The following ZNF69 variants were observed in gnomAD, a reference collection of about 807,000 sequenced individuals.
The protein encoded by ZNF69 is ZNF3.
In ZNF69, 47 loss-of-function variants were observed where a neutral mutation model predicts 50.9. The ratio of observed to expected loss-of-function variants is 0.92; its 90% CI spans 0.73 to 1.18. The LOEUF (loss-of-function observed/expected upper bound fraction) is 1.18. Among genes scored for constraint, ZNF69 ranks in the 50% most tolerant of loss-of-function variants. The pLI is 0.00. For synonymous variants in ZNF69, 216 were observed against 223.1 expected (o/e 0.97, Z 0.29); for missense variants, 717 against 675.1 (o/e 1.06, Z -0.69).
the ZNF69 span, among the ~76,000 whole-genome samples, chr19:11,970,401 G>A: frequency 6.6e-6 from 1 of 152,224 alleles, no homozygotes; most frequent in Non-Finnish European, 1.5e-5. Flanking sequence ...CAGAGTTTGA[G>A]TAAAGTTTTC....
intron 1 of ZNF69, among the ~76,000 whole-genome samples, chr19:11,896,364 C>G (rs1283260644): frequency 6.6e-6 from 1 of 151,698 alleles, no homozygotes; most frequent in Non-Finnish European, 1.5e-5. Context: ...GGTATATTGC[C>G]TGTCTATCTT....
chr19:11,955,841 G>T, the ZNF69 span, among the ~76,000 whole-genome samples: 2 of 152,118 alleles, frequency 1.3e-5, no homozygotes, highest in Non-Finnish European at 2.9e-5. Flanking sequence ...GCTGGCAACT[G>T]TTGTGATATG....
At chr19:11,954,866 A>AT in the ZNF69 span, among the ~76,000 whole-genome samples, 13 of 151,956 alleles carry the variant, frequency 8.6e-5, no homozygotes, top group East Asian at 1.2e-3. Flanking sequence ...GCAGCTTCAG[A>AT]TTTTTTTTAA....
the ZNF69 span, chr19:11,949,345 A>G: frequency 1.2e-6 from 2 of 1,613,896 alleles, no homozygotes; most frequent in African/African-American, 1.3e-5. Context: ...TGGGACTCAC[A>G]CTGGAGAGAA....
chr19:11,892,196 T>C (rs914243880), intron 1 of ZNF69, among the ~76,000 whole-genome samples: 2 of 148,742 alleles, frequency 1.3e-5, no homozygotes, highest in Admixed American at 1.4e-4. Flanking sequence ...CCTAGGCTGG[T>C]CTCTAGCTCC....
the ZNF69 span, chr19:11,978,665 A>AAG: frequency 1.2e-6 from 2 of 1,614,120 alleles, no homozygotes. Context: ...GAATACATGA[A>AAG]AGAACTCACA....
the ZNF69 span, chr19:11,978,486 C>T: frequency 3.3e-5 from 53 of 1,614,036 alleles, 1 homozygote; most frequent in African/African-American, 1.7e-4. Flanking sequence ...TTCAGGCATT[C>T]GAAGACGCAT....
chr19:11,940,321 G>A, the ZNF69 span, among the ~76,000 whole-genome samples: 2 of 152,188 alleles, frequency 1.3e-5, no homozygotes, highest in Admixed American at 6.5e-5. Flanking sequence ...AAATGAAGCC[G>A]TGGACCCTTG....
At chr19:11,922,370 G>T in the ZNF69 span, among the ~76,000 whole-genome samples, 1 of 152,062 alleles carries the variant, frequency 6.6e-6, no homozygotes, top group Non-Finnish European at 1.5e-5. Context: ...CTTTGTCTTC[G>T]TTCAGTCCTC....
downstream of ZNF69, among the ~76,000 whole-genome samples, chr19:11,908,166 A>G (rs1274907691): frequency 6.6e-6 from 1 of 152,250 alleles, no homozygotes; most frequent in African/African-American, 2.4e-5. Flanking sequence ...ACTGAGATGC[A>G]TAAAGCAAGT....
chr19:11,928,731 CA>C, the ZNF69 span, among the ~76,000 whole-genome samples: 132 of 53,436 alleles, frequency 2.5e-3, no homozygotes, highest in East Asian at 0.019. Flanking sequence ...GACTCCGTCT[CA>C]AAAAAAAAAA....
chr19:11,922,134 AAAAG>A, the ZNF69 span, among the ~76,000 whole-genome samples: 1 of 152,170 alleles, frequency 6.6e-6, no homozygotes, highest in African/African-American at 2.4e-5. Context: ...GGAAAAAAAA[AAAAG>A]AGACAGATTC....
At chr19:11,918,674 C>G (rs960601295), downstream of ZNF69, among the ~76,000 whole-genome samples, 1 of 151,932 alleles carries the variant, frequency 6.6e-6, no homozygotes, top group African/African-American at 2.4e-5. Flanking sequence ...AGGCTGGTCT[C>G]GAACTCCCGG....
chr19:11,898,904 G>A (rs1401539712), intron 1 of ZNF69, among the ~76,000 whole-genome samples: 1 of 152,166 alleles, frequency 6.6e-6, no homozygotes. Flanking sequence ...ACTTATGCAA[G>A]AACATATTAC....
rs781480449 is a variant in ZNF69, at chr19:11,903,696, G to T, written c.187G>T (p.Val63Leu). 27 of 1,613,858 alleles carry T rather than the reference G, an allele frequency of 1.7e-5. No homozygotes were observed. The South Asian group carries it at 2.4e-4, about 14-fold the overall frequency. The change falls in exon 2 of 4, where the codon GTA becomes TTA. Residue 63 changes from valine (V) to leucine (L), a missense_variant. Val to Leu is a conservative substitution (Grantham distance 32). Transcript: ENST00000429654. ...MLETFRNLTSVGKSWKDQNIE... is the reference protein window; with the variant it reads ...MLETFRNLTSLGKSWKDQNIE... Reference sequence around the variant, plus strand: ...GGAAACTTTCAGGAACCTGACCTCTGTAGGTAAGGATGACATATTCCTTCC... The same window carrying T: ...GGAAACTTTCAGGAACCTGACCTCTTTAGGTAAGGATGACATATTCCTTCC...
the ZNF69 span, among the ~76,000 whole-genome samples, chr19:11,951,127 G>A: frequency 2.1e-4 from 27 of 130,898 alleles, no homozygotes; most frequent in African/African-American, 7.0e-4. Flanking sequence ...CTCCAGCCTG[G>A]CAACAGAGCA....
chr19:11,950,072 A>G, the ZNF69 span: 1 of 1,614,236 alleles, frequency 6.2e-7, no homozygotes, highest in Non-Finnish European at 8.5e-7. Context: ...CATTGTGGGA[A>G]TGGATTCACA....
chr19:11,978,238 CAT>C, the ZNF69 span: 3 of 1,614,040 alleles, frequency 1.9e-6, no homozygotes, highest in South Asian at 3.3e-5. Context: ...GAAGCAAAAT[CAT>C]GTGATAACTT....
At chr19:11,902,221 A>T (rs1431260117) in intron 1 of ZNF69, among the ~76,000 whole-genome samples, 3 of 152,044 alleles carry the variant, frequency 2.0e-5, no homozygotes, top group Non-Finnish European at 4.4e-5. Flanking sequence ...CCCTCAGGTG[A>T]TCTGCCCGCC....
Sources: gnomAD v4.1 joint callset for allele counts (sites outside exome capture counted in the v4.1 genomes callset) on GRCh38, gnomAD v4.1.1 for gene constraint, MANE v1.5 for transcripts, NCBI Gene and HGNC (gene_info 2026-07-23, HGNC 2026-07-21) for gene names.